The following ABRAXAS2 variants were observed in gnomAD, a reference collection of about 807,000 sequenced individuals.
ABRAXAS2 encodes BRISC complex subunit Abraxas 2.
ABRAXAS2 carries 23 observed loss-of-function variants against 49.0 expected under a neutral mutation model. The observed-to-expected ratio is 0.47, with a 90% CI of 0.34 to 0.66. The LOEUF is 0.66. Ranked by LOEUF, ABRAXAS2 falls within the 30% of genes least tolerant of loss-of-function variation. ABRAXAS2 has a pLI of 0.01. For synonymous variants in ABRAXAS2, 168 were observed against 180.2 expected (o/e 0.93, Z 0.54); for missense variants, 443 against 511.9 (o/e 0.87, Z 1.30).
chr10:124,805,916 G>T (rs143842815), intron 1 of ABRAXAS2, among the ~76,000 whole-genome samples: 1 of 152,128 alleles, frequency 6.6e-6, no homozygotes, highest in Non-Finnish European at 1.5e-5. Context: ...AGAACATGGC[G>T]CAAGTACACA....
intron 1 of ABRAXAS2, among the ~76,000 whole-genome samples, chr10:124,803,855 C>T (rs1373522477): frequency 3.3e-5 from 5 of 152,134 alleles, no homozygotes; most frequent in South Asian, 2.1e-4. Context: ...GAGTCGAGAT[C>T]GCGCCATTGC....
At chr10:124,818,903 T>C (rs1019580079) in intron 3 of ABRAXAS2, among the ~76,000 whole-genome samples, 1 of 152,276 alleles carries the variant, frequency 6.6e-6, no homozygotes, top group African/African-American at 2.4e-5. Flanking sequence ...GGAATAAAAC[T>C]TGTGGAATTG....
At chr10:124,822,558 C>T (rs1177014916) in intron 4 of ABRAXAS2, among the ~76,000 whole-genome samples, 2 of 151,628 alleles carry the variant, frequency 1.3e-5, no homozygotes, top group Non-Finnish European at 2.9e-5. Context: ...TTTGGGAGGC[C>T]GAGGCAGATG....
chr10:124,807,873 A>C (rs550725262), intron 2 of ABRAXAS2, among the ~76,000 whole-genome samples: 36 of 152,312 alleles, frequency 2.4e-4, no homozygotes, highest in African/African-American at 8.4e-4. Context: ...TACTATAACG[A>C]ATTCATATAT....
At chr10:124,805,129 C>T (rs957607444) in intron 1 of ABRAXAS2, among the ~76,000 whole-genome samples, 2 of 152,092 alleles carry the variant, frequency 1.3e-5, no homozygotes, top group South Asian at 2.1e-4. Context: ...GTCAGGAGAT[C>T]GAGACCATCC....
chr10:124,834,443 T>C (rs1044290541), intron 8 of ABRAXAS2, 59 bp from the exon 9 acceptor site: 1 of 1,461,080 alleles, frequency 6.8e-7, no homozygotes, highest in Non-Finnish European at 9.3e-7. Flanking sequence ...GTGTTATACA[T>C]TGAGATGAAA....
intron 3 of ABRAXAS2, among the ~76,000 whole-genome samples, chr10:124,819,154 CAT>C (rs1950844600): frequency 6.6e-6 from 1 of 152,194 alleles, no homozygotes; most frequent in Non-Finnish European, 1.5e-5. Context: ...GCACCTCCCA[CAT>C]GTGGAAGTAA....
At position 124,806,872 on chromosome 10, in the gene ABRAXAS2, T is replaced by C. The variant is rs745835758; in HGVS notation, c.114T>C (p.Phe38=). 3.1e-6 allele frequency: 5 copies of C among 1,612,204 alleles called. No individual in the cohort carries two copies. In the South Asian group the frequency reaches 3.3e-5, roughly 11 times the overall value. Residue 38 remains phenylalanine (F), a synonymous_variant, in exon 2 of 9, where the codon TTT becomes TTC. Transcript: ENST00000298492. ...GAGAGGTAAGACAAGAGGAAACGTT[T>C]AGCATCAGTGACTCACAAATCAGCA... ...LLGEVRQEET[F]SISDSQISNT... is the part of the protein sequence containing the mutation.
intron 2 of ABRAXAS2, among the ~76,000 whole-genome samples, chr10:124,809,869 C>T (rs1950774588): frequency 1.3e-5 from 2 of 151,638 alleles, no homozygotes; most frequent in Admixed American, 1.3e-4. Context: ...TCTCCTGCCT[C>T]AGCCTCCCTA....
rs116872380 is a variant in ABRAXAS2 at position 124,811,592 on chromosome 10, G to A, written c.163+4671G>A. 1.2e-4 allele frequency among the ~76,000 whole-genome samples: 18 copies of A among 151,862 alleles called. No individual in the cohort carries two copies. In the East Asian group the frequency reaches 3.4e-3, roughly 29 times the overall value. ...CTCTACTAAAAGATATAAAAAATTA[G>A]CTGGGTATGGTGACACGGGTCTGTA... is the stretch of plus-strand genomic sequence containing the variant. On this transcript the variant is annotated intron_variant, in intron 2 of 8. Coordinates refer to ENST00000298492, the MANE Select transcript of ABRAXAS2 (RefSeq NM_032182.4).
chr10:124,822,545 C>T (rs1950868134), intron 4 of ABRAXAS2, among the ~76,000 whole-genome samples: 1 of 152,012 alleles, frequency 6.6e-6, no homozygotes, highest in Non-Finnish European at 1.5e-5. Flanking sequence ...GTAATCCCAG[C>T]ACTTTGGGAG....
chr10:124,811,972 T>G (rs61872095), intron 2 of ABRAXAS2, among the ~76,000 whole-genome samples: 20,917 of 151,970 alleles, frequency 0.14, 1,936 homozygotes, highest in Middle Eastern at 0.2. Flanking sequence ...AGACGGGGTT[T>G]CTCCATGTTG....
At chr10:124,809,491 G>A (rs866854328) in intron 2 of ABRAXAS2, among the ~76,000 whole-genome samples, 2 of 151,756 alleles carry the variant, frequency 1.3e-5, no homozygotes, top group Admixed American at 6.6e-5. Context: ...TCTCCATGTT[G>A]GTCGGGCTAG....
chr10:124,830,097 A>G (rs187678783), intron 7 of ABRAXAS2, among the ~76,000 whole-genome samples: 1 of 152,314 alleles, frequency 6.6e-6, no homozygotes, highest in East Asian at 1.9e-4. Context: ...TACAGCAAAG[A>G]AAGTGGTAAA....
intron 8 of ABRAXAS2, 58 bp from the exon 9 acceptor site, chr10:124,834,444 T>A: frequency 1.4e-6 from 2 of 1,465,080 alleles, no homozygotes; most frequent in Non-Finnish European, 1.9e-6. Flanking sequence ...TGTTATACAT[T>A]GAGATGAAAA....
At chr10:124,809,874 T>C (rs140131828) in intron 2 of ABRAXAS2, among the ~76,000 whole-genome samples, 11 of 151,082 alleles carry the variant, frequency 7.3e-5, no homozygotes, top group African/African-American at 2.7e-4. Context: ...TGCCTCAGCC[T>C]CCCTAGTAGC....
chr10:124,824,931 A>AGT (rs1950887714), intron 4 of ABRAXAS2, among the ~76,000 whole-genome samples: 3 of 152,308 alleles, frequency 2.0e-5, no homozygotes, highest in African/African-American at 7.2e-5. Context: ...TGTGAAAGTT[A>AGT]GTGTTGCCCA....
In ABRAXAS2 at chr10:124,826,666, C is replaced by T. The variant is rs760645152; in HGVS notation, c.339C>T (p.His113=). The T allele has an allele frequency of 1.2e-6, 2 of 1,614,218 alleles. No homozygotes were observed. The highest frequency in any genetic ancestry group is 2.2e-5 in the South Asian group (2 of 91,090). ...QQMSYREQVL[H]KQLTRILGVP... ...TGTCCTACAGAGAGCAGGTTCTTCACAAGCAGCTCACCCGCATCCTCGGCG... is the reference window on the plus strand; with the variant it reads ...TGTCCTACAGAGAGCAGGTTCTTCATAAGCAGCTCACCCGCATCCTCGGCG... The change falls in exon 5 of 9, where the codon CAC becomes CAT. Residue 113 remains histidine (H), a synonymous_variant. Transcript: ENST00000298492.
At chr10:124,807,238 G>A (rs1279500563) in intron 2 of ABRAXAS2, among the ~76,000 whole-genome samples, 2 of 149,660 alleles carry the variant, frequency 1.3e-5, no homozygotes, top group Non-Finnish European at 3.0e-5. Context: ...GCATGAACCT[G>A]GGAGGCGGAG....
Sources: gnomAD v4.1 joint callset for allele counts (sites outside exome capture counted in the v4.1 genomes callset) on GRCh38, gnomAD v4.1.1 for gene constraint, MANE v1.5 for transcripts, NCBI Gene and HGNC (gene_info 2026-07-23, HGNC 2026-07-21) for gene names.